Variants in CHST11 observed in about 807,000 individuals in gnomAD.
The protein encoded by CHST11 is carbohydrate sulfotransferase 11, also known as C4S-1.
In CHST11, 9 loss-of-function variants were observed where a neutral mutation model predicts 30.4. The observed-to-expected ratio is 0.30, with a 90% CI of 0.18 to 0.52. The LOEUF (loss-of-function observed/expected upper bound fraction) is 0.52, where lower values mean the gene tolerates loss of function less well. Ranked by LOEUF, CHST11 falls within the 20% of genes least tolerant of loss-of-function variation. CHST11 has a pLI of 0.97. For missense variants in CHST11, 348 were observed against 460.6 expected, an observed-to-expected ratio of 0.76 and a Z score of 2.24; for synonymous variants, 152 against 187.8, an observed-to-expected ratio of 0.81 and a Z score of 1.56.
intron 1 of CHST11, among the ~76,000 whole-genome samples, chr12:104,576,026 G>C (rs921841878): frequency 1.5e-4 from 22 of 151,610 alleles, no homozygotes; most frequent in Non-Finnish European, 2.7e-4. Context: ...CATGAGCTTT[G>C]GTCTCTAAAA....
intron 2 of CHST11, among the ~76,000 whole-genome samples, chr12:104,724,280 G>A (rs2040200517): frequency 7.5e-6 from 1 of 133,446 alleles, no homozygotes; most frequent in African/African-American, 2.8e-5. Context: ...GATGCCTCAG[G>A]AGGATGGCTA....
chr12:104,619,538 C>G (rs34016841), intron 2 of CHST11, among the ~76,000 whole-genome samples: 7 of 152,220 alleles, frequency 4.6e-5, no homozygotes, highest in Admixed American at 1.3e-4. Context: ...TTCGAGCGCT[C>G]TCTTCTAAGC....
chr12:104,702,080 G>A (rs2136113723), intron 2 of CHST11, among the ~76,000 whole-genome samples: 1 of 152,176 alleles, frequency 6.6e-6, no homozygotes, highest in South Asian at 2.1e-4. Context: ...CGAGAAGCAG[G>A]CCGAGAGACT....
chr12:104,584,711 T>A (rs2038784540), intron 1 of CHST11, among the ~76,000 whole-genome samples: 1 of 152,250 alleles, frequency 6.6e-6, no homozygotes, highest in Non-Finnish European at 1.5e-5. Flanking sequence ...CATGTTATTT[T>A]AATAACAGTA....
In CHST11 at chr12:104,629,678, T is replaced by G. The variant is rs953070372; in HGVS notation, c.204+27687T>G. Among the ~76,000 whole-genome samples the G allele has an allele frequency of 2.0e-5, 3 of 152,126 alleles. No individual in the cohort carries two copies. In the East Asian group the frequency reaches 5.8e-4, roughly 29 times the overall value. The stretch of plus-strand genomic sequence containing the variant: ...CTCTACTAAAAATACAAAATTTAAC[T>G]GGGTGTGGTGGCACGCACCTGTAAT... On this transcript the variant is annotated intron_variant, in intron 2 of 2. Coordinates refer to ENST00000303694, the MANE Select transcript of CHST11 (RefSeq NM_018413.6).
At chr12:104,543,323 A>G (rs2038303948) in intron 1 of CHST11, among the ~76,000 whole-genome samples, 1 of 152,222 alleles carries the variant, frequency 6.6e-6, no homozygotes, top group Admixed American at 6.5e-5. Context: ...CACGCCCAAC[A>G]TTAGACGTCA....
intron 2 of CHST11, among the ~76,000 whole-genome samples, chr12:104,635,135 A>C (rs576066041): frequency 6.6e-6 from 1 of 152,188 alleles, no homozygotes; most frequent in South Asian, 2.1e-4. Flanking sequence ...TTTGTCACAA[A>C]AGCCTTTCAC....
intron 2 of CHST11, among the ~76,000 whole-genome samples, chr12:104,605,921 T>C (rs2039000325): frequency 6.6e-6 from 1 of 152,170 alleles, no homozygotes; most frequent in Non-Finnish European, 1.5e-5. Flanking sequence ...GTGGGTTCCC[T>C]GAAATCTTCA....
Position 104,757,014 on chromosome 12 carries a change from A to G in CHST11, c.270A>G (p.Arg90=), listed in dbSNP as rs1247501278. 3.7e-6 allele frequency: 6 copies of G among 1,613,626 alleles called. No homozygotes were observed. Among genetic ancestry groups the G allele is most frequent in the Non-Finnish European group, 5.1e-6 (6 of 1,179,992 alleles). The part of the protein sequence containing the change: ...MRRDQVTDTC[R]ANSATSRKRR... ...GGGACCAGGTGACAGACACGTGCCG[A>G]GCCAACAGCGCCACAAGCCGTAAGC... The change falls in exon 3 of 3, where the codon CGA becomes CGG. Residue 90 remains arginine, a synonymous_variant. Transcript: ENST00000303694. The surrounding 1 kb of genome is among the most constrained non-coding windows in gnomAD (Gnocchi z 6.5).
At chr12:104,497,282 T>C (rs985204478) in intron 1 of CHST11, among the ~76,000 whole-genome samples, 2 of 152,192 alleles carry the variant, frequency 1.3e-5, no homozygotes, top group African/African-American at 4.8e-5. Flanking sequence ...ATCTGCCTGG[T>C]ATTCTTGTAA....
At chr12:104,634,963 A>G (rs2039310137) in intron 2 of CHST11, among the ~76,000 whole-genome samples, 2 of 151,960 alleles carry the variant, frequency 1.3e-5, no homozygotes, top group Admixed American at 1.3e-4. Context: ...GGAGGGAGGG[A>G]TTGGGGCCAG....
rs2040496623 is a variant in CHST11, at chr12:104,758,247, A to G, written c.*444A>G. 1 of 157,798 alleles carries G rather than the reference A, an allele frequency of 6.3e-6. No individual in the cohort carries two copies. Among genetic ancestry groups the G allele is most frequent in the South Asian group, 1.9e-4 (1 of 5,396 alleles). 9.8% of individuals were successfully genotyped at this position (157,798 alleles called of 1,614,324 possible). A position where few individuals can be genotyped will look rare whatever the true frequency, so the allele number is the denominator to read the frequency against. Reference sequence around the variant, plus strand: ...CTCCTTACTAACCTCTCATGGAGTCATGTGATAACAGCCATTGTCATGTGT... The same window carrying G: ...CTCCTTACTAACCTCTCATGGAGTCGTGTGATAACAGCCATTGTCATGTGT... On this transcript the variant is annotated 3_prime_UTR_variant, in exon 3 of 3. Transcript: ENST00000303694.
At position 104,544,974 on chromosome 12, in the gene CHST11, G is replaced by GCAGC. The variant is rs2038332427; in HGVS notation, c.119-56931_119-56928dup. 6.6e-5 allele frequency among the ~76,000 whole-genome samples: 10 copies of GCAGC among 152,192 alleles called. No homozygotes were observed. In the South Asian group the frequency reaches 2.1e-3, roughly 32 times the overall value. On this transcript the variant is annotated intron_variant, in intron 1 of 2. Transcript: ENST00000303694. ...TGGGTGGGTTTATTAGGTCCACAGG[G>GCAGC]CAGCGTCCTTGTTCTGAGAAGAGGG...
chr12:104,753,816 A>G (rs2040453786), intron 2 of CHST11, among the ~76,000 whole-genome samples: 2 of 152,158 alleles, frequency 1.3e-5, no homozygotes, highest in Admixed American at 6.5e-5. Context: ...GGAAAGGAAG[A>G]AATAATACTG....
chr12:104,560,847 A>G (rs1355008283), intron 1 of CHST11, among the ~76,000 whole-genome samples: 1 of 152,186 alleles, frequency 6.6e-6, no homozygotes, highest in African/African-American at 2.4e-5. Context: ...GTCTCTTGGA[A>G]TTAGCAGAAT....
rs889685206 is a variant in CHST11, at chr12:104,549,907, C to CA, written c.119-51991dup. ...GGGCGACAGAGTGAGACCTCATCTCCAAAAAAAAGATGACTAATTTGGAAG... is the reference window on the plus strand; with the variant it reads ...GGGCGACAGAGTGAGACCTCATCTCCAAAAAAAAAGATGACTAATTTGGAAG... On this transcript the variant is annotated intron_variant, in intron 1 of 2. Transcript: ENST00000303694. Among the ~76,000 whole-genome samples the CA allele has an allele frequency of 2.5e-4, 38 of 151,484 alleles. No individual in the cohort carries two copies. In the East Asian group the frequency reaches 7.2e-3, roughly 29 times the overall value.
At chr12:104,747,370 AAAATACT>A (rs1376693760) in intron 2 of CHST11, among the ~76,000 whole-genome samples, 1 of 152,232 alleles carries the variant, frequency 6.6e-6, no homozygotes, top group African/African-American at 2.4e-5. Flanking sequence ...CCACAAGTTG[AAAATACT>A]AATGATACCT....
At chr12:104,517,329 G>A (rs1252766019) in intron 1 of CHST11, among the ~76,000 whole-genome samples, 1 of 152,154 alleles carries the variant, frequency 6.6e-6, no homozygotes, top group Non-Finnish European at 1.5e-5. Context: ...ATCCTGGTCT[G>A]TCTACACAGG....
chr12:104,511,576 C>T (rs926116612), intron 1 of CHST11, among the ~76,000 whole-genome samples: 6 of 152,252 alleles, frequency 3.9e-5, no homozygotes, highest in Middle Eastern at 3.4e-3. Flanking sequence ...TATGCCACCT[C>T]GGCTAGGTCA....
Sources: allele counts gnomAD v4.1 joint callset (sites outside exome capture counted in the v4.1 genomes callset), GRCh38; gene constraint gnomAD v4.1.1; non-coding constraint Gnocchi (gnomAD v3.1); transcripts MANE v1.5; gene names NCBI Gene and HGNC (gene_info 2026-07-23, HGNC 2026-07-21).